CCDC7: variants seen among roughly 807,000 people sequenced by gnomAD.
The protein encoded by CCDC7 is coiled-coil domain containing 7, also known as coiled-coil domain-containing protein 7.
In CCDC7, 183 loss-of-function variants were observed where a neutral mutation model predicts 196.9. The ratio of observed to expected loss-of-function variants is 0.93; its 90% CI spans 0.82 to 1.05. The LOEUF (loss-of-function observed/expected upper bound fraction) is 1.05, where lower values mean the gene tolerates loss of function less well. CCDC7 is among the 50% of genes least tolerant of loss of function. CCDC7 has a pLI of 0.00. For missense variants in CCDC7, 1,540 were observed against 1,482.2 expected (o/e 1.04, Z -0.64); for synonymous variants, 525 against 484.6 (o/e 1.08, Z -1.10).
chr10:32,588,629 GT>G (rs1481596470), intron 18 of CCDC7, among the ~76,000 whole-genome samples: 1 of 151,992 alleles, frequency 6.6e-6, no homozygotes, highest in Admixed American at 6.6e-5. Flanking sequence ...TAAAAATAAT[GT>G]CTTTTTCTGG....
chr10:32,690,925 C>T (rs2077007969), intron 23 of CCDC7, among the ~76,000 whole-genome samples: 1 of 152,166 alleles, frequency 6.6e-6, no homozygotes, highest in African/African-American at 2.4e-5. Context: ...GACCAAGGGT[C>T]ATTTTGGTGG....
At chr10:32,703,901 T>C (rs888529425) in intron 24 of CCDC7, among the ~76,000 whole-genome samples, 7 of 152,126 alleles carry the variant, frequency 4.6e-5, no homozygotes, top group Non-Finnish European at 1.0e-4. Flanking sequence ...TTGGTTATTC[T>C]AGTTAGACAT....
At position 32,497,295 on chromosome 10, in the gene CCDC7, A is replaced by C. The variant is rs114639622; in HGVS notation, c.872+5298A>C. 8.6e-3 allele frequency among the ~76,000 whole-genome samples: 1,302 copies of C among 152,148 alleles called. 28 individuals are homozygous for C. The highest frequency in any genetic ancestry group is 0.029 in the African/African-American group (1,203 of 41,484). On this transcript the variant is annotated intron_variant, in intron 9 of 41. Coordinates refer to ENST00000639629, the Ensembl canonical transcript of CCDC7. ...ATCTTTCTCCCCTTTCTTCTTCATT[A>C]ATCTGGGTAGCAGTCTATCTATTTT...
intron 21 of CCDC7, among the ~76,000 whole-genome samples, chr10:32,666,207 C>A (rs2072671438): frequency 6.7e-6 from 1 of 149,168 alleles, no homozygotes; most frequent in African/African-American, 2.5e-5. Flanking sequence ...AATGTTATTC[C>A]CTTTGATTTA....
At chr10:32,574,877 T>G (rs2058015178) in intron 16 of CCDC7, among the ~76,000 whole-genome samples, 1 of 152,160 alleles carries the variant, frequency 6.6e-6, no homozygotes, top group South Asian at 2.1e-4. Flanking sequence ...TTTTTCTCCA[T>G]AGATTAGATG....
chr10:32,485,186 G>C (rs2040793758), intron 8 of CCDC7, among the ~76,000 whole-genome samples: 1 of 152,202 alleles, frequency 6.6e-6, no homozygotes, highest in Admixed American at 6.5e-5. Context: ...GCCTGTTATT[G>C]GTTTATTCAG....
intron 18 of CCDC7, among the ~76,000 whole-genome samples, chr10:32,632,780 A>G (rs1362531923): frequency 1.3e-5 from 2 of 152,086 alleles, no homozygotes; most frequent in African/African-American, 2.4e-5. Context: ...TTCTAATGTC[A>G]GTTCATATAG....
At chr10:32,450,455 A>G (rs1473454228), upstream of CCDC7, among the ~76,000 whole-genome samples, 1 of 152,180 alleles carries the variant, frequency 6.6e-6, no homozygotes, top group East Asian at 1.9e-4. Context: ...ACACAGTTCA[A>G]CACATAACAA....
intron 28 of CCDC7, among the ~76,000 whole-genome samples, chr10:32,752,172 T>TG (rs1426560170): frequency 6.6e-6 from 1 of 152,126 alleles, no homozygotes; most frequent in Non-Finnish European, 1.5e-5. Context: ...CGTGGCCTCT[T>TG]GGTACTTAAG....
chr10:32,574,384 T>TG (rs775459476), intron 16 of CCDC7: 1 of 1,495,272 alleles, frequency 6.7e-7, no homozygotes, highest in Non-Finnish European at 8.9e-7. Context: ...ATTAAGCACA[T>TG]GGCACAATAT....
At chr10:32,778,002 A>G (rs7894771) in intron 28 of CCDC7, among the ~76,000 whole-genome samples, 6,472 of 152,106 alleles carry the variant, frequency 0.043, 463 homozygotes, top group African/African-American at 0.15. Flanking sequence ...TTTTGAGACG[A>G]TTCTGTTTAT....
At chr10:32,603,389 G>T (rs968563882) in intron 18 of CCDC7, among the ~76,000 whole-genome samples, 1 of 151,976 alleles carries the variant, frequency 6.6e-6, no homozygotes, top group African/African-American at 2.4e-5. Context: ...CTTAGCTATT[G>T]TGAATAGTGC....
At chr10:32,548,982 C>T (rs1392468816) in intron 13 of CCDC7, among the ~76,000 whole-genome samples, 1 of 152,146 alleles carries the variant, frequency 6.6e-6, no homozygotes, top group Non-Finnish European at 1.5e-5. Context: ...TTTAAGGAAT[C>T]TCTACACCGT....
chr10:32,445,251 A>T (rs922251816), upstream of CCDC7, among the ~76,000 whole-genome samples: 1 of 152,168 alleles, frequency 6.6e-6, no homozygotes, highest in Non-Finnish European at 1.5e-5. Context: ...GGCAACCCCA[A>T]TGGTAACTCC....
At chr10:32,733,981 G>A (rs1213568289) in intron 28 of CCDC7, among the ~76,000 whole-genome samples, 7 of 152,164 alleles carry the variant, frequency 4.6e-5, no homozygotes. Flanking sequence ...CTGTTGGTGG[G>A]AGTGTAAATT....
At chr10:32,557,103 G>C (rs2054486630) in intron 13 of CCDC7, among the ~76,000 whole-genome samples, 1 of 152,242 alleles carries the variant, frequency 6.6e-6, no homozygotes, top group South Asian at 2.1e-4. Context: ...TAGATTTAGG[G>C]ATTTCTTTTG....
chr10:32,572,172 G>C (rs1240535686), intron 16 of CCDC7, among the ~76,000 whole-genome samples: 1 of 152,004 alleles, frequency 6.6e-6, no homozygotes, highest in Non-Finnish European at 1.5e-5. Flanking sequence ...AGATAGTGAG[G>C]AACTAACCCT....
intron 24 of CCDC7, among the ~76,000 whole-genome samples, chr10:32,711,367 ATAACT>A (rs1204678606): frequency 2.0e-5 from 3 of 152,130 alleles, no homozygotes; most frequent in African/African-American, 4.8e-5. Flanking sequence ...TAAAGTATAA[ATAACT>A]TAAGGAAAGT....
At chr10:32,462,625 A>G (rs1374101063) in intron 3 of CCDC7, 58 bp from the exon 5 acceptor site, 1 of 1,260,920 alleles carries the variant, frequency 7.9e-7, no homozygotes, top group Non-Finnish European at 1.1e-6. Flanking sequence ...TAAATATTAT[A>G]TTATACATTG....
Sources: gnomAD v4.1 joint callset for allele counts (sites outside exome capture counted in the v4.1 genomes callset) on GRCh38, gnomAD v4.1.1 for gene constraint, MANE v1.5 for transcripts, NCBI Gene and HGNC (gene_info 2026-07-23, HGNC 2026-07-21) for gene names.